The following TMEM117 variants were observed in gnomAD, a reference collection of about 807,000 sequenced individuals.
The protein encoded by TMEM117 is transmembrane protein 117.
Under a neutral mutation model 52.4 loss-of-function variants are expected in TMEM117, and 27 were observed. That is an observed-to-expected ratio of 0.51 (90% CI 0.38 to 0.71). TMEM117 has a LOEUF of 0.71. Ranked by LOEUF, TMEM117 falls within the 30% of genes least tolerant of loss-of-function variation. The pLI, the probability that TMEM117 is intolerant of heterozygous loss-of-function variation, is 0.00. For missense variants in TMEM117, 556 were observed against 630.5 expected (o/e 0.88, Z 1.26); for synonymous variants, 215 against 206.3 (o/e 1.04, Z -0.36).
chr12:44,376,341 A>G, intron 6 of TMEM117: 1 of 495,876 alleles, frequency 2.0e-6, no homozygotes. Context: ...ATGCAAATCA[A>G]TTCTGTATTG....
At chr12:43,903,257 T>C (rs1944333629) in intron 2 of TMEM117, among the ~76,000 whole-genome samples, 1 of 152,176 alleles carries the variant, frequency 6.6e-6, no homozygotes, top group Admixed American at 6.5e-5. Context: ...GTGTGCTGGA[T>C]GGGAAAAGGT....
chr12:44,231,709 G>T (rs2138453639), intron 5 of TMEM117, among the ~76,000 whole-genome samples: 1 of 151,742 alleles, frequency 6.6e-6, no homozygotes. Flanking sequence ...GTATTCCCCT[G>T]ATTATTGTAT....
intron 3 of TMEM117, among the ~76,000 whole-genome samples, chr12:44,048,238 T>G (rs1946910835): frequency 6.6e-6 from 1 of 152,170 alleles, no homozygotes; most frequent in Non-Finnish European, 1.5e-5. Context: ...TCTTTTTCCC[T>G]TTTATTCTTC....
chr12:43,804,417 C>T, the TMEM117 span: 1 of 894,270 alleles, frequency 1.1e-6, no homozygotes, highest in Non-Finnish European at 1.8e-6. Flanking sequence ...GTTCAAATCA[C>T]TGACAACACA....
At chr12:43,909,708 A>G (rs1481735202) in intron 2 of TMEM117, among the ~76,000 whole-genome samples, 1 of 151,924 alleles carries the variant, frequency 6.6e-6, no homozygotes, top group African/African-American at 2.4e-5. Context: ...GGAGAATACT[A>G]CAAACACCTC....
At chr12:44,098,017 A>T (rs1947800855) in intron 3 of TMEM117, among the ~76,000 whole-genome samples, 1 of 152,062 alleles carries the variant, frequency 6.6e-6, no homozygotes, top group South Asian at 2.1e-4. Context: ...AAGTTAGAGC[A>T]GAGATGGATA....
intron 3 of TMEM117, among the ~76,000 whole-genome samples, chr12:44,106,897 CAG>C (rs756503760): frequency 5.3e-5 from 8 of 151,866 alleles, no homozygotes; most frequent in Non-Finnish European, 1.0e-4. Flanking sequence ...CTATGTAAAA[CAG>C]AGTTTATAAA....
chr12:44,325,944 T>C lies in TMEM117; in HGVS notation c.768+26205T>C, dbSNP rs77954000. ...GGGTGTCCAAGGGGGGCAGATCTACTTGAGGTCAGGGATTCAAGACCAGCC... is the reference window on the plus strand; with the variant it reads ...GGGTGTCCAAGGGGGGCAGATCTACCTGAGGTCAGGGATTCAAGACCAGCC... On this transcript the variant is annotated intron_variant, in intron 6 of 7. Coordinates refer to ENST00000266534, the MANE Select transcript of TMEM117 (RefSeq NM_032256.3). 2.0e-4 allele frequency among the ~76,000 whole-genome samples: 31 copies of C among 152,304 alleles called. 1 individual carries two copies. The East Asian group carries it at 5.2e-3, about 26-fold the overall frequency.
Position 44,046,011 on chromosome 12 carries a change from T to C in TMEM117, c.411-97514T>C, listed in dbSNP as rs562368398. Among the ~76,000 whole-genome samples, 19 of 152,268 alleles carry C rather than the reference T, an allele frequency of 1.2e-4. No homozygotes were observed. In the South Asian group the frequency reaches 3.9e-3, roughly 32 times the overall value. On this transcript the variant is annotated intron_variant, in intron 3 of 7. Transcript: ENST00000266534. ...AACTAGGTGACGATAATTTGCAGGG[T>C]TGGGGCAAAGTTCTCCAGAAGGCCA...
intron 2 of TMEM117, among the ~76,000 whole-genome samples, chr12:43,871,424 G>A (rs1306909122): frequency 6.6e-6 from 1 of 152,118 alleles, no homozygotes; most frequent in East Asian, 1.9e-4. Flanking sequence ...TTTAATACTA[G>A]CCATTCTGAC....
intron 3 of TMEM117, among the ~76,000 whole-genome samples, chr12:44,053,874 A>G (rs188789922): frequency 1.3e-5 from 2 of 152,312 alleles, no homozygotes; most frequent in African/African-American, 2.4e-5. Flanking sequence ...ATATTATTTT[A>G]ACATCTTATT....
chr12:43,882,071 C>CA lies in TMEM117; in HGVS notation c.277+37151dup, dbSNP rs909902953. Among the ~76,000 whole-genome samples the CA allele has an allele frequency of 2.0e-5, 3 of 150,832 alleles. No homozygotes were observed. The South Asian group carries it at 6.3e-4, about 32-fold the overall frequency. On this transcript the variant is annotated intron_variant, in intron 2 of 7. Transcript: ENST00000266534. ...TGGGAGACAGAGCAAGACTCCGTCT[C>CA]AAAAAAAACAAACAAACTAAAAAAC...
At chr12:44,135,599 T>G (rs1245783494) in intron 3 of TMEM117, among the ~76,000 whole-genome samples, 3 of 151,318 alleles carry the variant, frequency 2.0e-5, no homozygotes, top group African/African-American at 7.3e-5. Context: ...GAAAAAGAGG[T>G]GGTTGAATTC....
chr12:43,931,452 G>A (rs140708265), intron 2 of TMEM117, among the ~76,000 whole-genome samples: 2,532 of 152,104 alleles, frequency 0.017, 33 homozygotes, highest in South Asian at 0.043. Context: ...TAATCCAGAA[G>A]AAAAATAAGT....
At chr12:44,032,144 T>G (rs560918296) in intron 3 of TMEM117, among the ~76,000 whole-genome samples, 4 of 152,344 alleles carry the variant, frequency 2.6e-5, no homozygotes, top group African/African-American at 9.6e-5. Context: ...TTGAGATTGC[T>G]TCTATGGAAC....
At chr12:44,010,138 C>A in intron 3 of TMEM117, 1 of 512,810 alleles carries the variant, frequency 2.0e-6, no homozygotes, top group South Asian at 1.4e-5. Context: ...GCTCTCTCAT[C>A]ATTGTTTGCT....
chr12:44,033,534 A>C (rs1248880490), intron 3 of TMEM117, among the ~76,000 whole-genome samples: 1 of 152,194 alleles, frequency 6.6e-6, no homozygotes, highest in Non-Finnish European at 1.5e-5. Context: ...ATAGAGTCAT[A>C]ATATGTCCTA....
chr12:43,869,136 C>G (rs1157865698), intron 2 of TMEM117, among the ~76,000 whole-genome samples: 1 of 149,760 alleles, frequency 6.7e-6, no homozygotes, highest in Non-Finnish European at 1.5e-5. Flanking sequence ...CTTAACAAAA[C>G]TGACATAAGA....
intron 3 of TMEM117, among the ~76,000 whole-genome samples, chr12:43,999,508 C>G (rs1177845249): frequency 6.6e-6 from 1 of 152,138 alleles, no homozygotes; most frequent in African/African-American, 2.4e-5. Flanking sequence ...GAGACAGAGT[C>G]TGGCTGTGTT....
Sources: allele counts gnomAD v4.1 joint callset (sites outside exome capture counted in the v4.1 genomes callset), GRCh38; gene constraint gnomAD v4.1.1; transcripts MANE v1.5; gene names NCBI Gene and HGNC (gene_info 2026-07-23, HGNC 2026-07-21).